Variants in ASIC2 observed in about 807,000 individuals in gnomAD.
ASIC2 encodes acid sensing ion channel subunit 2.
In ASIC2, 25 loss-of-function variants were observed where a neutral mutation model predicts 57.3. The observed-to-expected ratio is 0.44, with a 90% CI of 0.32 to 0.61. The LOEUF (loss-of-function observed/expected upper bound fraction) is 0.61. ASIC2 is among the 20% of genes least tolerant of loss of function. The probability of loss-of-function intolerance (pLI) is 0.06; values close to 1 mark genes in which losing one functional copy is unlikely to be tolerated. For missense variants in ASIC2, 641 were observed against 738.1 expected (o/e 0.87, Z 1.52); for synonymous variants, 319 against 307.5 (o/e 1.04, Z -0.39).
intron 1 of ASIC2, among the ~76,000 whole-genome samples, chr17:33,813,229 A>G (rs1017734898): frequency 4.6e-5 from 7 of 152,132 alleles, no homozygotes; most frequent in African/African-American, 1.7e-4. Context: ...AAGAGCCCAG[A>G]CTAGGGATAT....
chr17:33,681,949 G>C (rs989610211), intron 1 of ASIC2, among the ~76,000 whole-genome samples: 2 of 151,824 alleles, frequency 1.3e-5, no homozygotes, highest in African/African-American at 4.8e-5. Flanking sequence ...TTAACTTTCT[G>C]CCCCTCACTT....
chr17:33,850,404 A>AAT (rs1374086773), intron 1 of ASIC2, among the ~76,000 whole-genome samples: 2 of 152,230 alleles, frequency 1.3e-5, no homozygotes, highest in Non-Finnish European at 2.9e-5. Flanking sequence ...AAAGACAGTT[A>AAT]ATGGGTACCA....
At chr17:34,153,381 T>C (rs1164554404) in intron 1 of ASIC2, among the ~76,000 whole-genome samples, 1 of 151,970 alleles carries the variant, frequency 6.6e-6, no homozygotes, top group African/African-American at 2.4e-5. Flanking sequence ...GCAGAGAAAA[T>C]GAATAAGAGA....
At chr17:33,474,996 C>A (rs1048714597) in intron 1 of ASIC2, among the ~76,000 whole-genome samples, 25 of 152,124 alleles carry the variant, frequency 1.6e-4, no homozygotes, top group African/African-American at 5.8e-4. Context: ...ACCTCCAATC[C>A]TCTCCAGGAT....
intron 3 of ASIC2, among the ~76,000 whole-genome samples, chr17:33,088,384 G>A (rs951462124): frequency 2.0e-5 from 3 of 152,212 alleles, no homozygotes; most frequent in South Asian, 2.1e-4. Flanking sequence ...CCTCCCCAGC[G>A]CTATATCAAA....
At chr17:34,120,175 C>T (rs972582436) in intron 1 of ASIC2, 1 of 152,216 alleles carries the variant, frequency 6.6e-6, no homozygotes, top group African/African-American at 2.4e-5. Flanking sequence ...TAGATTTGAG[C>T]TCCTTTCTGA....
chr17:33,021,389 G>A, intron 6 of ASIC2, 79 bp from the exon 7 acceptor site: 1 of 1,191,982 alleles, frequency 8.4e-7, no homozygotes, highest in Non-Finnish European at 1.2e-6. Flanking sequence ...GCTTTCCCAT[G>A]GAAAGATGGA....
intron 1 of ASIC2, among the ~76,000 whole-genome samples, chr17:33,509,680 T>C (rs1397812066): frequency 1.3e-5 from 2 of 152,242 alleles, no homozygotes; most frequent in Admixed American, 1.3e-4. Context: ...CTTAAGGTGA[T>C]GTAGCCTATG....
At chr17:34,086,748 G>C (rs1370500180) in intron 1 of ASIC2, among the ~76,000 whole-genome samples, 1 of 152,180 alleles carries the variant, frequency 6.6e-6, no homozygotes, top group Non-Finnish European at 1.5e-5. Context: ...ATATATTTAG[G>C]ATAGTTAGCT....
Position 33,142,152 on chromosome 17 carries a change from T to G in ASIC2, c.709-30085A>C, listed in dbSNP as rs147795880. ...TGGCACATTCTGAGAGCTCCATACA[T>G]AGTAATTAAATGAATTAATAAATAA... On this transcript the variant is annotated intron_variant, in intron 1 of 9. Transcript: ENST00000225823. Among the ~76,000 whole-genome samples the G allele has an allele frequency of 2.6e-5, 4 of 152,296 alleles. No homozygotes were observed. The East Asian group carries it at 7.7e-4, about 29-fold the overall frequency.
chr17:33,888,357 A>G lies in ASIC2; in HGVS notation c.555+267621T>C, dbSNP rs903683139. Among the ~76,000 whole-genome samples, 3 of 152,224 alleles carry G rather than the reference A, an allele frequency of 2.0e-5. No individual in the cohort carries two copies. In the East Asian group the frequency reaches 5.8e-4, roughly 29 times the overall value. On this transcript the variant is annotated intron_variant, in intron 1 of 9. Coordinates refer to the ASIC2 transcript ENST00000359872. ...TGCTGCAAGCTCACATGGCTGGAAT[A>G]TGAAGTCAGAGGTAGGAGCGAGTGG...
In ASIC2 at chr17:33,293,090, C is replaced by A. The variant is rs1905572320; in HGVS notation, c.-975G>T. 3 of 960,434 alleles carry A rather than the reference C, an allele frequency of 3.1e-6. No homozygotes were observed. Among genetic ancestry groups the A allele is most frequent in the Admixed American group, 6.2e-5 (1 of 16,244 alleles). The allele number at this position is 960,434 out of a possible 1,614,324, so 59.5% of individuals were successfully genotyped here. A position where few individuals can be genotyped will look rare whatever the true frequency, so the allele number is the denominator to read the frequency against. On this transcript the variant is annotated 5_prime_UTR_variant, in exon 1 of 10. Coordinates refer to ENST00000225823, the MANE Select transcript of ASIC2 (RefSeq NM_183377.2). ...ACTGCGGGGACCCGCCAACACCTCC[C>A]GGGGGTGACCCGGACTCGCTGCTCC...
At chr17:33,445,639 A>T (rs959422508) in intron 1 of ASIC2, among the ~76,000 whole-genome samples, 56 of 151,590 alleles carry the variant, frequency 3.7e-4, no homozygotes, top group Non-Finnish European at 1.3e-4. Context: ...CTCTACTAAA[A>T]ATACAAAATT....
intron 1 of ASIC2, among the ~76,000 whole-genome samples, chr17:33,308,441 A>T (rs1041026363): frequency 5.9e-5 from 9 of 152,124 alleles, no homozygotes; most frequent in African/African-American, 2.2e-4. Context: ...TAACCAAATC[A>T]TTTGGACTTC....
chr17:33,812,230 G>A (rs1347180221), intron 1 of ASIC2, among the ~76,000 whole-genome samples: 3 of 152,096 alleles, frequency 2.0e-5, no homozygotes, highest in Non-Finnish European at 4.4e-5. Flanking sequence ...TTGAGGAAGG[G>A]CTGCTATGTC....
At chr17:34,071,780 A>T (rs1015083195) in intron 1 of ASIC2, 3 of 152,042 alleles carry the variant, frequency 2.0e-5, no homozygotes, top group Non-Finnish European at 4.4e-5. Flanking sequence ...CAGTGAGCTG[A>T]GATGGTGCCA....
intron 1 of ASIC2, among the ~76,000 whole-genome samples, chr17:33,610,208 A>G (rs2142015020): frequency 6.6e-6 from 1 of 152,308 alleles, no homozygotes; most frequent in Admixed American, 6.5e-5. Context: ...CCCACGCTAG[A>G]GTGCAGTGGC....
At chr17:33,624,674 A>G (rs1448071617) in intron 1 of ASIC2, among the ~76,000 whole-genome samples, 2 of 152,220 alleles carry the variant, frequency 1.3e-5, no homozygotes, top group Non-Finnish European at 2.9e-5. Flanking sequence ...AATTCACACT[A>G]TCTCTTTTGG....
chr17:33,748,220 G>T (rs1052628374), intron 1 of ASIC2, among the ~76,000 whole-genome samples: 2 of 152,148 alleles, frequency 1.3e-5, no homozygotes, highest in African/African-American at 4.8e-5. Context: ...GCCTCCTGGT[G>T]CCTGCTTCCC....
Sources: allele counts gnomAD v4.1 joint callset (sites outside exome capture counted in the v4.1 genomes callset), GRCh38; gene constraint gnomAD v4.1.1; transcripts MANE v1.5; gene names NCBI Gene and HGNC (gene_info 2026-07-23, HGNC 2026-07-21).